KLHL3: variants seen among roughly 807,000 people sequenced by gnomAD.
The protein encoded by KLHL3 is kelch like family member 3.
A neutral mutation model predicts 70.5 loss-of-function variants in KLHL3; 19 were observed. The observed-to-expected ratio is 0.27, with a 90% CI of 0.19 to 0.40. The LOEUF is 0.40. Ranked by LOEUF, KLHL3 falls within the 10% of genes least tolerant of loss-of-function variation. KLHL3 has a pLI of 1.00. For synonymous variants in KLHL3, 258 were observed against 290.3 expected (o/e 0.89, Z 1.13); for missense variants, 512 against 771.1 (o/e 0.66, Z 3.98).
At chr5:137,708,763 G>A (rs767731608) in intron 3 of KLHL3, among the ~76,000 whole-genome samples, 1 of 152,136 alleles carries the variant, frequency 6.6e-6, no homozygotes, top group Non-Finnish European at 1.5e-5. Context: ...GGTGAGAGGG[G>A]GCCTGCCTGA....
At chr5:137,635,401 G>A (rs1750742586) in intron 11 of KLHL3, among the ~76,000 whole-genome samples, 1 of 152,128 alleles carries the variant, frequency 6.6e-6, no homozygotes, top group African/African-American at 2.4e-5. Flanking sequence ...GGTATGTGCT[G>A]GTTCAGATGC....
intron 10 of KLHL3, among the ~76,000 whole-genome samples, chr5:137,638,441 G>T (rs1182341847): frequency 6.6e-6 from 1 of 152,238 alleles, no homozygotes; most frequent in Non-Finnish European, 1.5e-5. Flanking sequence ...GTTTTGGGTT[G>T]AAATTTTGAA....
chr5:137,630,797 C>A (rs1402618568), intron 12 of KLHL3, among the ~76,000 whole-genome samples: 1 of 152,112 alleles, frequency 6.6e-6, no homozygotes, highest in Non-Finnish European at 1.5e-5. Context: ...GCAGACCCAG[C>A]ACCAAGTCCC....
intron 13 of KLHL3, among the ~76,000 whole-genome samples, chr5:137,626,996 C>CA (rs150828371): frequency 0.44 from 63,726 of 145,214 alleles, 15,875 homozygotes; most frequent in Non-Finnish European, 0.56. Context: ...GATCCTGTCT[C>CA]AAAAAAAAAA....
chr5:137,687,104 C>T (rs1343147873), intron 5 of KLHL3, among the ~76,000 whole-genome samples: 8 of 82,494 alleles, frequency 9.7e-5, no homozygotes, highest in East Asian at 7.2e-4. Flanking sequence ...CCAGCCGCCC[C>T]GTCCGGGAGG....
intron 6 of KLHL3, among the ~76,000 whole-genome samples, chr5:137,664,462 A>T (rs1284242209): frequency 6.6e-6 from 1 of 152,214 alleles, no homozygotes; most frequent in East Asian, 1.9e-4. Flanking sequence ...CGGAATTAGA[A>T]AAACACCATT....
At chr5:137,657,113 A>G (rs1444932773) in intron 8 of KLHL3, among the ~76,000 whole-genome samples, 1 of 152,212 alleles carries the variant, frequency 6.6e-6, no homozygotes, top group Non-Finnish European at 1.5e-5. Context: ...AGGGGAAAGA[A>G]GGTCCTGCAA....
At chr5:137,634,693 G>A (rs1371490880) in intron 11 of KLHL3, among the ~76,000 whole-genome samples, 1 of 152,180 alleles carries the variant, frequency 6.6e-6, no homozygotes, top group Non-Finnish European at 1.5e-5. Context: ...GTGTGTGAAT[G>A]GAGTGTTCTT....
In KLHL3 at chr5:137,639,116, C is replaced by A; in HGVS notation, c.1056G>T (p.Val352=). 1 of 1,613,950 alleles carries A rather than the reference C, an allele frequency of 6.2e-7. No homozygotes were observed. Among genetic ancestry groups the A allele is most frequent in the African/African-American group, 1.3e-5 (1 of 75,028 alleles). Reference sequence around the variant, plus strand: ...CCCGCAGTGAGCCATTAAACCCTCCCACGGCATACACGTGGCCAGCCATGA... The same window carrying A: ...CCCGCAGTGAGCCATTAAACCCTCCAACGGCATACACGTGGCCAGCCATGA... ...VVFMAGHVYA[V]GGFNGSLRVR... The change falls in exon 10 of 15, where the codon GTG becomes GTT. Residue 352 remains valine (V), a synonymous_variant. Transcript: ENST00000309755. This position sits in a 1 kb window ranked among gnomAD's most constrained non-coding sequence, Gnocchi z 5.0.
intron 1 of KLHL3, among the ~76,000 whole-genome samples, chr5:137,730,800 G>A (rs1242121108): frequency 6.6e-6 from 1 of 152,150 alleles, no homozygotes; most frequent in Non-Finnish European, 1.5e-5. Context: ...GTGTGGTTTT[G>A]ATAGTGGCTA....
At chr5:137,724,019 G>T (rs1430569281) in intron 1 of KLHL3, among the ~76,000 whole-genome samples, 1 of 152,168 alleles carries the variant, frequency 6.6e-6, no homozygotes, top group African/African-American at 2.4e-5. Flanking sequence ...GGTGGAAAGG[G>T]CTCTGGATGG....
intron 14 of KLHL3, among the ~76,000 whole-genome samples, chr5:137,625,105 AG>A (rs139478632): frequency 0.43 from 64,821 of 152,152 alleles, 16,497 homozygotes; most frequent in Non-Finnish European, 0.56. Context: ...ATTCAGCCCA[AG>A]GGTTGTTGAA....
In KLHL3 at chr5:137,625,839, T is replaced by C. The variant is rs1750447058; in HGVS notation, c.1649A>G (p.Asn550Ser). 6.2e-7 allele frequency: 1 copy of C among 1,614,184 alleles called. No individual in the cohort carries two copies. The highest frequency in any genetic ancestry group is 8.5e-7 in the Non-Finnish European group (1 of 1,180,034). The change falls in exon 14 of 15, where the codon AAC becomes AGC. Residue 550 changes from asparagine (N) to serine (S), a missense_variant. By Grantham distance (46) the Asn-to-Ser change is conservative. Transcript: ENST00000309755. ...ATTGTAGTACTCCACCGAAGCCAAG[T>C]TGCAGGATCCATCATCCCCTCCAAC... The part of the protein sequence containing the change: ...YVVGGDDGSC[N>S]LASVEYYNPV...
intron 8 of KLHL3, among the ~76,000 whole-genome samples, chr5:137,646,876 G>A (rs535508551): frequency 1.1e-4 from 16 of 152,308 alleles, no homozygotes; most frequent in Admixed American, 7.8e-4. Context: ...CTAAAGAACT[G>A]GCTCTAGGTG....
intron 8 of KLHL3, among the ~76,000 whole-genome samples, chr5:137,640,785 G>C (rs1750895557): frequency 6.6e-6 from 1 of 152,156 alleles, no homozygotes; most frequent in African/African-American, 2.4e-5. Context: ...ACAGCTTGCT[G>C]CATCTATGTT....
At chr5:137,657,887 C>T (rs771416408) in intron 8 of KLHL3, among the ~76,000 whole-genome samples, 3 of 152,196 alleles carry the variant, frequency 2.0e-5, no homozygotes, top group Non-Finnish European at 2.9e-5. Context: ...AGAGGGAGCT[C>T]TGAGTTATTC....
intron 14 of KLHL3, among the ~76,000 whole-genome samples, chr5:137,623,492 G>A (rs1750375471): frequency 6.6e-6 from 1 of 152,122 alleles, no homozygotes; most frequent in East Asian, 1.9e-4. Flanking sequence ...TCTTTCAGAA[G>A]GTAGCTTTTT....
At chr5:137,669,416 T>C (rs1411526538) in intron 6 of KLHL3, among the ~76,000 whole-genome samples, 1 of 152,126 alleles carries the variant, frequency 6.6e-6, no homozygotes, top group Non-Finnish European at 1.5e-5. Context: ...CATGAATGAA[T>C]GTATGTATGG....
intron 5 of KLHL3, among the ~76,000 whole-genome samples, chr5:137,683,951 G>A (rs557308407): frequency 2.0e-5 from 3 of 152,184 alleles, no homozygotes. Context: ...ATCTGTGTCT[G>A]CACGACTGCC....
Sources: allele counts gnomAD v4.1 joint callset (sites outside exome capture counted in the v4.1 genomes callset), GRCh38; gene constraint gnomAD v4.1.1; non-coding constraint Gnocchi (gnomAD v3.1); transcripts MANE v1.5; gene names NCBI Gene and HGNC (gene_info 2026-07-23, HGNC 2026-07-21).